Variants in GET1 observed in about 807,000 individuals in gnomAD.
GET1 encodes the protein congenital heart disease 5 protein.
A neutral mutation model predicts 22.6 loss-of-function variants in GET1; 20 were observed. The observed-to-expected ratio is 0.89, with a 90% CI of 0.62 to 1.29. The LOEUF (loss-of-function observed/expected upper bound fraction) is 1.29. Ranked by LOEUF, GET1 falls within the 50% of genes most tolerant of loss-of-function variation. The pLI is 0.00. For missense variants in GET1, 209 were observed against 219.9 expected (o/e 0.95, Z 0.31); for synonymous variants, 92 against 83.8 (o/e 1.10, Z -0.53).
Position 39,397,092 on chromosome 21 carries a change from A to T in GET1, c.*153A>T, listed in dbSNP as rs2038705641. On this transcript the variant is annotated 3_prime_UTR_variant, in exon 5 of 5. Transcript: ENST00000649170. ...TGTTTGTTCTTGGACTTTATGAGAG[A>T]GTCTTATAAGAATCACGATTTTCTA... 6.8e-6 allele frequency: 5 copies of T among 738,828 alleles called. No homozygotes were observed. Among genetic ancestry groups the T allele is most frequent in the African/African-American group, 1.8e-5 (1 of 56,232 alleles). The allele number at this position is 738,828 out of a possible 1,614,324, so 45.8% of individuals were successfully genotyped here.
intron 4 of GET1, among the ~76,000 whole-genome samples, chr21:39,403,544 C>A (rs961062222): frequency 1.6e-5 from 2 of 122,318 alleles, no homozygotes; most frequent in Non-Finnish European, 3.4e-5. Flanking sequence ...CCAGGATGGT[C>A]TCGATCTGAC....
At chr21:39,398,375 G>A (rs183818346), downstream of GET1, among the ~76,000 whole-genome samples, 5 of 152,234 alleles carry the variant, frequency 3.3e-5, no homozygotes, top group Admixed American at 3.3e-4. Flanking sequence ...CGTGCCCAGG[G>A]AACTGCTGGG....
chr21:39,394,625 A>G (rs2033258752), intron 4 of GET1, among the ~76,000 whole-genome samples: 1 of 151,922 alleles, frequency 6.6e-6, no homozygotes, highest in Non-Finnish European at 1.5e-5. Flanking sequence ...ATGATGGCCC[A>G]TTTTCCAGTT....
intron 1 of GET1, among the ~76,000 whole-genome samples, chr21:39,415,469 C>CT (rs1317962052): frequency 6.6e-6 from 1 of 152,226 alleles, no homozygotes; most frequent in Non-Finnish European, 1.5e-5. Context: ...CCCACTCTCT[C>CT]TGACCACTCC....
At chr21:39,428,392 G>C in exon 2 of GET1, 1 of 1,613,022 alleles carries the variant, frequency 6.2e-7, no homozygotes, top group East Asian at 2.2e-5. Flanking sequence ...AATCGCCTGT[G>C]CCTGGGCTTC....
In GET1 at chr21:39,421,101, G is replaced by T. The variant is rs111299354; in HGVS notation, c.*24-7131G>T. On this transcript the variant is annotated intron_variant, in intron 1 of 1. Transcript: ENST00000478273. ...ACTCTAAAATTTGATTTAACAATTC[G>T]TTTTTTTTTTTTTTTTTCTAAGTTG... 3.0e-3 allele frequency among the ~76,000 whole-genome samples: 373 copies of T among 125,398 alleles called. 4 individuals carry two copies. The highest frequency in any genetic ancestry group is 8.4e-3 in the African/African-American group (297 of 35,546). The allele number at this position is 125,398 out of a possible 152,430, so 82.3% of individuals were successfully genotyped here. A position where few individuals can be genotyped will look rare whatever the true frequency, so the allele number is the denominator to read the frequency against.
intron 1 of GET1, among the ~76,000 whole-genome samples, chr21:39,387,516 G>C (rs1207189305): frequency 1.3e-5 from 2 of 152,198 alleles, no homozygotes; most frequent in Non-Finnish European, 2.9e-5. Flanking sequence ...GAGTGGATCA[G>C]GCTGGAGTAT....
At chr21:39,391,603 G>T in intron 2 of GET1, 166 bp from the exon 3 acceptor site, 25 of 623,898 alleles carry the variant, frequency 4.0e-5, no homozygotes, top group East Asian at 6.4e-5. Context: ...ATAATGAGAT[G>T]GTGGGTGACT....
At chr21:39,404,493 C>T (rs1464009974) in intron 4 of GET1, among the ~76,000 whole-genome samples, 2 of 152,076 alleles carry the variant, frequency 1.3e-5, no homozygotes, top group Non-Finnish European at 2.9e-5. Flanking sequence ...CCTGTCATTC[C>T]CAGCACTTTG....
chr21:39,380,748 C>CCTCA, intron 1 of GET1: 1 of 1,194,088 alleles, frequency 8.4e-7, no homozygotes. Context: ...CGGCGGCGAA[C>CCTCA]CTCACACTGG....
exon 5 of GET1, chr21:39,406,582 ACT>A (rs756599995): frequency 1.9e-5 from 31 of 1,593,380 alleles, no homozygotes; most frequent in Non-Finnish European, 2.6e-5. Flanking sequence ...CAGTATTTGG[ACT>A]TCCAAATGTT....
intron 1 of GET1, among the ~76,000 whole-genome samples, chr21:39,416,680 C>T (rs551801686): frequency 3.6e-4 from 54 of 152,076 alleles, no homozygotes; most frequent in African/African-American, 1.2e-3. Flanking sequence ...TTGTCCATCC[C>T]CCAAATCCCA....
rs1227936341 is a variant in GET1 at position 39,397,843 on chromosome 21, C to T, written c.*904C>T. On this transcript the variant is annotated 3_prime_UTR_variant, in exon 5 of 5. Transcript: ENST00000649170. ...TGAGCCACCCGCAACTGACAAGTGG[C>T]TGTTAACTGAGTCACCATATCCCAG... 2.6e-5 allele frequency: 4 copies of T among 152,196 alleles called. No homozygotes were observed. In the East Asian group the frequency reaches 7.7e-4, roughly 29 times the overall value. The allele number at this position is 152,196 out of a possible 1,614,324, so 9.4% of individuals were successfully genotyped here.
chr21:39,410,257 G>T (rs779375230), downstream of GET1: 6 of 1,563,000 alleles, frequency 3.8e-6, no homozygotes, highest in Admixed American at 1.0e-4. Context: ...TTCCAAATTT[G>T]CTGTACCTTA....
chr21:39,428,303 T>C (rs1186457992), exon 2 of GET1: 1 of 1,612,762 alleles, frequency 6.2e-7, no homozygotes. Flanking sequence ...ATAATCATAC[T>C]GAGAACTTAA....
At chr21:39,423,567 TCCCATGCC>T in intron 1 of GET1, 1 of 1,300,762 alleles carries the variant, frequency 7.7e-7, no homozygotes, top group Non-Finnish European at 1.0e-6. Flanking sequence ...ATAATCTCTC[TCCCATGCC>T]CCCATGCACA....
chr21:39,419,536 G>T (rs74693568), intron 1 of GET1, among the ~76,000 whole-genome samples: 1 of 129,014 alleles, frequency 7.8e-6, no homozygotes, highest in Admixed American at 7.7e-5. Context: ...AAAAAAAAAA[G>T]AAAAAAGAAA....
In GET1 at chr21:39,390,294, A is replaced by G. The variant is rs1183710941; in HGVS notation, c.103-404A>G. Among the ~76,000 whole-genome samples the G allele has an allele frequency of 6.6e-5, 10 of 152,176 alleles. No individual in the cohort carries two copies. The South Asian group carries it at 2.1e-3, about 31-fold the overall frequency. ...CTTGGATTCCAAAGAAAGAAGCACT[A>G]AACGCCAGGGTGATAAGTCCACAGC... On this transcript the variant is annotated intron_variant, in intron 1 of 4. Coordinates refer to ENST00000649170, the MANE Select transcript of GET1 (RefSeq NM_004627.6).
chr21:39,391,636 C>A, intron 2 of GET1, 133 bp from the exon 3 acceptor site: 8 of 823,780 alleles, frequency 9.7e-6, no homozygotes, highest in Non-Finnish European at 1.5e-5. Flanking sequence ...TTTATATTTT[C>A]TAAATATGTT....
Sources: gnomAD v4.1 joint callset for allele counts (sites outside exome capture counted in the v4.1 genomes callset) on GRCh38, gnomAD v4.1.1 for gene constraint, MANE v1.5 for transcripts, NCBI Gene and HGNC (gene_info 2026-07-23, HGNC 2026-07-21) for gene names.